The following ZSCAN20 variants were observed in gnomAD, a reference collection of about 807,000 sequenced individuals.
ZSCAN20 encodes the protein zinc finger and SCAN domain-containing protein 20.
ZSCAN20 carries 39 observed loss-of-function variants against 97.1 expected under a neutral mutation model. The ratio of observed to expected loss-of-function variants is 0.40; its 90% confidence interval spans 0.31 to 0.52. The LOEUF (loss-of-function observed/expected upper bound fraction) is 0.52, where lower values mean the gene tolerates loss of function less well. Ranked by LOEUF, ZSCAN20 falls within the 20% of genes least tolerant of loss-of-function variation. The pLI is 0.49. For synonymous variants in ZSCAN20, 456 were observed against 467.3 expected, an observed-to-expected ratio of 0.98 and a Z score of 0.31; for missense variants, 1,115 against 1,290.4, an observed-to-expected ratio of 0.86 and a Z score of 2.08.
chr1:33,479,818 T>A (rs983212315), intron 2 of ZSCAN20, 113 bp downstream of exon 2: 1 of 1,121,100 alleles, frequency 8.9e-7, no homozygotes, highest in Non-Finnish European at 1.2e-6. Context: ...TATTGAGAAC[T>A]GACACTTATT....
In ZSCAN20 at chr1:33,494,368, G is replaced by T; in HGVS notation, c.2024G>T (p.Gly675Val). Reference protein sequence around the residue: ...EDSENENEDEGQWGNPSQEQW... With the variant: ...EDSENENEDEVQWGNPSQEQW... ...AGTGAAAATGAAAATGAAGATGAAG[G>T]GCAGTGGGGAAATCCCTCACAGGAA... The change falls in exon 8 of 8, where the codon GGG becomes GTG. Residue 675 changes from glycine to valine, a missense_variant. Physicochemically the swap from Gly to Val is moderately radical, Grantham distance 109. Around this residue, in one of 3 missense-constraint regions of ZSCAN20, gnomAD observed 554 missense variants for 584.9 expected, o/e 0.95. Coordinates refer to ENST00000684572, the MANE Select transcript of ZSCAN20 (RefSeq NM_001377376.1). 1 of 1,614,072 alleles carries T rather than the reference G, an allele frequency of 6.2e-7. No individual in the cohort carries two copies.
At position 33,493,982 on chromosome 1, in the gene ZSCAN20, T is replaced by G. The variant is rs1172184562; in HGVS notation, c.1874-236T>G. On this transcript the variant is annotated intron_variant, in intron 7 of 7. Transcript: ENST00000684572. This position sits in a 1 kb window ranked among gnomAD's most constrained non-coding sequence, Gnocchi z 4.3. Reference sequence around the variant, plus strand: ...TGCTGGGCTGAGCCCCATGGCTCACTTGGTGGGGTCACCATGTCCCAGAGT... The same window carrying G: ...TGCTGGGCTGAGCCCCATGGCTCACGTGGTGGGGTCACCATGTCCCAGAGT... 6.6e-6 allele frequency among the ~76,000 whole-genome samples: 1 copy of G among 152,238 alleles called. No homozygotes were observed. The highest frequency in any genetic ancestry group is 2.4e-5 in the African/African-American group (1 of 41,456).
In ZSCAN20 at chr1:33,495,050, A is replaced by G; in HGVS notation, c.2706A>G (p.Pro902=). 2 of 1,612,698 alleles carry G rather than the reference A, an allele frequency of 1.2e-6. No homozygotes were observed. The highest frequency in any genetic ancestry group is 2.2e-5 in the South Asian group (2 of 91,018). The change falls in exon 8 of 8, where the codon CCA becomes CCG. Residue 902 remains proline, a synonymous_variant. Transcript: ENST00000684572. ...SHQRIHTGEK[P]YECAECGKSF... ...AAAGAATCCATACGGGAGAGAAACC[A>G]TATGAATGTGCCGAATGTGGGAAAA...
intron 1 of ZSCAN20, among the ~76,000 whole-genome samples, chr1:33,473,626 T>C (rs1267225389): frequency 6.6e-6 from 1 of 152,198 alleles, no homozygotes; most frequent in East Asian, 1.9e-4. Flanking sequence ...GCTTAGAATA[T>C]TCTCTCCTTG....
intron 2 of ZSCAN20, among the ~76,000 whole-genome samples, chr1:33,487,443 G>T (rs929673235): frequency 2.6e-5 from 4 of 151,866 alleles, no homozygotes; most frequent in African/African-American, 7.3e-5. Flanking sequence ...GAAGTTGATT[G>T]GGTAATGTTA....
At chr1:33,484,688 C>T (rs1277616507) in intron 2 of ZSCAN20, among the ~76,000 whole-genome samples, 3 of 147,050 alleles carry the variant, frequency 2.0e-5, no homozygotes, top group Admixed American at 6.9e-5. Flanking sequence ...GTGGCATGAT[C>T]TCAGCTCACT....
At chr1:33,482,957 G>T (rs1652209457) in intron 2 of ZSCAN20, among the ~76,000 whole-genome samples, 1 of 152,094 alleles carries the variant, frequency 6.6e-6, no homozygotes, top group African/African-American at 2.4e-5. Flanking sequence ...TATGTTCGGG[G>T]TAACGGTCCT....
Position 33,494,816 on chromosome 1 carries a change from T to C in ZSCAN20, c.2472T>C (p.Cys824=), listed in dbSNP as rs1652788435. The C allele has an allele frequency of 6.2e-7, 1 of 1,614,156 alleles. No homozygotes were observed. The highest frequency in any genetic ancestry group is 1.7e-5 in the Admixed American group (1 of 60,024). The part of the protein sequence containing the change: ...RIHLGGNPDQ[C]SEPGGNFAQS... The stretch of plus-strand genomic sequence containing the variant: ...ACTTGGGAGGAAATCCTGACCAGTG[T>C]AGTGAGCCTGGGGGAAACTTTGCCC... The change falls in exon 8 of 8, where the codon TGT becomes TGC. Residue 824 remains cysteine, a synonymous_variant. Transcript: ENST00000684572.
rs186543049 is a variant in ZSCAN20, at chr1:33,474,922, C to G, written c.-111+2231C>G. Among the ~76,000 whole-genome samples the G allele has an allele frequency of 1.2e-3, 180 of 152,332 alleles. 3 individuals carry two copies. The South Asian group carries it at 0.035, about 30-fold the overall frequency. ...ACTCTAGTCTCCCTTCTCCCTTGCT[C>G]TACCCCATCATACTAATTGGGGAAC... is the stretch of plus-strand genomic sequence containing the variant. On this transcript the variant is annotated intron_variant, in intron 1 of 7. Transcript: ENST00000684572.
intron 1 of ZSCAN20, among the ~76,000 whole-genome samples, chr1:33,475,585 C>T (rs920498065): frequency 3.3e-5 from 5 of 152,178 alleles, no homozygotes; most frequent in African/African-American, 1.2e-4. Flanking sequence ...GTGCCACCAC[C>T]ACATGCTTAT....
Position 33,498,384 on chromosome 1 carries a change from G to T in ZSCAN20, c.*2908G>T, listed in dbSNP as rs1448175980. Among the ~76,000 whole-genome samples the T allele has an allele frequency of 6.6e-6, 1 of 152,178 alleles. No individual in the cohort carries two copies. On this transcript the variant is annotated 3_prime_UTR_variant, in exon 8 of 8. Transcript: ENST00000684572. Reference sequence around the variant, plus strand: ...ATAGAGGTTCAGTCATGAAAGCAAGGCCAGTGTGGGCCAGGTGAGAAAATG... The same window carrying T: ...ATAGAGGTTCAGTCATGAAAGCAAGTCCAGTGTGGGCCAGGTGAGAAAATG...
intron 2 of ZSCAN20, among the ~76,000 whole-genome samples, chr1:33,481,357 G>T (rs1432590081): frequency 2.0e-5 from 3 of 152,110 alleles, no homozygotes; most frequent in Non-Finnish European, 4.4e-5. Context: ...AAAATGAGAG[G>T]GTTGGATTAG....
At chr1:33,487,693 A>G (rs571502319) in intron 2 of ZSCAN20, among the ~76,000 whole-genome samples, 2 of 152,266 alleles carry the variant, frequency 1.3e-5, no homozygotes, top group South Asian at 4.1e-4. Flanking sequence ...TCCAGGCTGG[A>G]GTGCAGTGGC....
chr1:33,482,385 C>G (rs910174836), intron 2 of ZSCAN20, among the ~76,000 whole-genome samples: 2 of 152,214 alleles, frequency 1.3e-5, no homozygotes, highest in Non-Finnish European at 2.9e-5. Flanking sequence ...TCCTCCACGT[C>G]TTTTCATGGC....
chr1:33,472,754 G>T (rs1237528512), intron 1 of ZSCAN20, 63 bp downstream of exon 1: 1 of 152,116 alleles, frequency 6.6e-6, no homozygotes, highest in Admixed American at 6.6e-5. Context: ...GACTTAGGAG[G>T]TGGTGGTGAC....
Position 33,494,298 on chromosome 1 carries a change from T to C in ZSCAN20, c.1954T>C (p.Cys652Arg). ...FEGLPGALSK[C>R]PTEAVCQPLD... Reference sequence around the variant, plus strand: ...GGGTTTGCCTGGAGCCTTATCAAAATGTCCTACAGAAGCTGTTTGCCAACC... The same window carrying C: ...GGGTTTGCCTGGAGCCTTATCAAAACGTCCTACAGAAGCTGTTTGCCAACC... The change falls in exon 8 of 8, where the codon TGT (cysteine) becomes CGT (arginine). Residue 652 changes from cysteine to arginine, a missense_variant. Coordinates refer to ENST00000684572, the MANE Select transcript of ZSCAN20 (RefSeq NM_001377376.1). The C allele has an allele frequency of 2.5e-6, 4 of 1,613,534 alleles. No homozygotes were observed. The highest frequency in any genetic ancestry group is 3.4e-6 in the Non-Finnish European group (4 of 1,179,742).
intron 2 of ZSCAN20, among the ~76,000 whole-genome samples, chr1:33,486,081 A>G (rs1027952551): frequency 6.6e-6 from 1 of 152,196 alleles, no homozygotes; most frequent in Non-Finnish European, 1.5e-5. Context: ...GGCTTTGGTA[A>G]AATAGTTTCT....
At chr1:33,485,552 A>C (rs1570553783) in intron 2 of ZSCAN20, among the ~76,000 whole-genome samples, 1 of 150,076 alleles carries the variant, frequency 6.7e-6, no homozygotes, top group South Asian at 2.1e-4. Context: ...GGACTACAGG[A>C]CCACACCACC....
In ZSCAN20 at chr1:33,494,618, A is replaced by G; in HGVS notation, c.2274A>G (p.Arg758=). Residue 758 remains arginine (R), a synonymous_variant, in exon 8 of 8, where the codon AGA becomes AGG. Coordinates refer to ENST00000684572, the MANE Select transcript of ZSCAN20 (RefSeq NM_001377376.1). ...SDRSNLNTHQ[R]IHTGEKPYKC... ...GCTCTAACCTCAATACCCATCAGAG[A>G]ATCCACACTGGAGAGAAGCCCTATA... 1 of 1,613,990 alleles carries G rather than the reference A, an allele frequency of 6.2e-7. No individual in the cohort carries two copies.
Sources: gnomAD v4.1 joint callset for allele counts (sites outside exome capture counted in the v4.1 genomes callset) on GRCh38, gnomAD v4.1.1 for gene constraint, gnomAD v4.1.1 regional missense constraint, Gnocchi (gnomAD v3.1) non-coding constraint, MANE v1.5 for transcripts, NCBI Gene and HGNC (gene_info 2026-07-23, HGNC 2026-07-21) for gene names.